The following DRC5 variants were observed in gnomAD, a reference collection of about 807,000 sequenced individuals.
The protein encoded by DRC5 is dynein regulatory complex subunit 5.
At chr6:44,297,146 C>A in the DRC5 span, among the ~76,000 whole-genome samples, 1 of 152,226 alleles carries the variant, frequency 6.6e-6, no homozygotes, top group Admixed American at 6.5e-5. Context: ...CCTCCCCCAT[C>A]CTACCTGGGG....
chr6:44,297,615 G>A, the DRC5 span: 1 of 152,276 alleles, frequency 6.6e-6, no homozygotes, highest in South Asian at 2.1e-4. Context: ...GCCCCGATAA[G>A]GGAGACCGGG....
the DRC5 span, chr6:44,286,183 G>A: frequency 3.1e-6 from 5 of 1,611,954 alleles, no homozygotes; most frequent in East Asian, 2.2e-5. Context: ...CGGACTGGTC[G>A]CCCGGCCGGA....
the DRC5 span, among the ~76,000 whole-genome samples, chr6:44,297,145 T>G: frequency 6.6e-6 from 1 of 152,018 alleles, no homozygotes; most frequent in Non-Finnish European, 1.5e-5. Context: ...CCCTCCCCCA[T>G]CCTACCTGGG....
the DRC5 span, chr6:44,287,556 G>C: frequency 2.8e-5 from 45 of 1,607,454 alleles, no homozygotes; most frequent in Non-Finnish European, 3.7e-5. Context: ...CACTCTGGAA[G>C]TTCCTGATAA....
chr6:44,286,436 A>G, the DRC5 span: 3 of 1,614,176 alleles, frequency 1.9e-6, no homozygotes, highest in South Asian at 1.1e-5. Context: ...CTCACTGTCT[A>G]TCAGGTTGGC....
chr6:44,282,311 A>T, the DRC5 span: 1 of 1,614,118 alleles, frequency 6.2e-7, no homozygotes, highest in Non-Finnish European at 8.5e-7. Flanking sequence ...GGTTGAGGGA[A>T]ATGAGGTTGG....
the DRC5 span, chr6:44,280,318 C>A: frequency 6.2e-7 from 1 of 1,614,208 alleles, no homozygotes. Context: ...TGGGCCACAT[C>A]TGACAGGCGC....
the DRC5 span, among the ~76,000 whole-genome samples, chr6:44,292,027 G>A: frequency 6.6e-6 from 1 of 151,990 alleles, no homozygotes; most frequent in Non-Finnish European, 1.5e-5. Context: ...AGCTTCAGCT[G>A]TTAGGCATGT....
the DRC5 span, chr6:44,282,366 C>T: frequency 9.3e-6 from 15 of 1,614,086 alleles, no homozygotes; most frequent in Middle Eastern, 1.6e-4. Flanking sequence ...ACCGGGTGCA[C>T]GCACCTGGTT....
the DRC5 span, chr6:44,287,977 T>C: frequency 2.2e-6 from 2 of 926,316 alleles, no homozygotes; most frequent in Non-Finnish European, 3.2e-6. Context: ...GGGCATTTAC[T>C]AAGAGAGGTG....
At chr6:44,283,094 G>A in the DRC5 span, among the ~76,000 whole-genome samples, 16 of 152,234 alleles carry the variant, frequency 1.1e-4, no homozygotes, top group East Asian at 1.9e-3. Flanking sequence ...GAGCCACCGC[G>A]CCCGGCCGCT....
At chr6:44,282,318 T>A in the DRC5 span, 2 of 1,614,024 alleles carry the variant, frequency 1.2e-6, no homozygotes, top group East Asian at 4.5e-5. Flanking sequence ...GGAAATGAGG[T>A]TGGTGTTGTG....
the DRC5 span, chr6:44,282,113 C>T: frequency 6.2e-7 from 1 of 1,610,310 alleles, no homozygotes; most frequent in South Asian, 1.1e-5. Flanking sequence ...GGCTCACCAG[C>T]CCGATGTGGT....
At chr6:44,283,902 T>C in the DRC5 span, among the ~76,000 whole-genome samples, 2 of 152,208 alleles carry the variant, frequency 1.3e-5, no homozygotes, top group Non-Finnish European at 2.9e-5. Context: ...TTCTCAGTCA[T>C]TGAATGGGAA....
chr6:44,288,467 T>C, the DRC5 span, among the ~76,000 whole-genome samples: 1 of 152,228 alleles, frequency 6.6e-6, no homozygotes, highest in South Asian at 2.1e-4. Context: ...CTCTGAACCC[T>C]ACATTGGACC....
the DRC5 span, among the ~76,000 whole-genome samples, chr6:44,293,986 C>CTT: frequency 6.8e-6 from 1 of 147,110 alleles, no homozygotes; most frequent in African/African-American, 2.5e-5. Flanking sequence ...ATGTAGCAAA[C>CTT]TTTTTTTTTT....
the DRC5 span, among the ~76,000 whole-genome samples, chr6:44,291,492 T>C: frequency 0.88 from 134,735 of 152,292 alleles, 60,938 homozygotes; most frequent in East Asian, 1. Flanking sequence ...CTTGGCAGGT[T>C]GCCTTCTGAC....
chr6:44,286,087 C>T, the DRC5 span: 1 of 1,614,188 alleles, frequency 6.2e-7, no homozygotes, highest in Admixed American at 1.7e-5. Context: ...GGTCCAGCTC[C>T]TCCAGGTGGC....
At chr6:44,291,789 C>G in the DRC5 span, among the ~76,000 whole-genome samples, 15 of 152,268 alleles carry the variant, frequency 9.9e-5, no homozygotes, top group African/African-American at 3.4e-4. Flanking sequence ...ATGCCAGACT[C>G]TCCTACATCT....
Sources: allele counts gnomAD v4.1 joint callset (sites outside exome capture counted in the v4.1 genomes callset), GRCh38; gene constraint gnomAD v4.1.1; transcripts MANE v1.5; gene names NCBI Gene and HGNC (gene_info 2026-07-23, HGNC 2026-07-21).